FHIT: variants seen among roughly 807,000 people sequenced by gnomAD.
FHIT encodes the protein fragile histidine triad diadenosine triphosphatase, also known as bis(5'-adenosyl)-triphosphatase.
In FHIT, 19 loss-of-function variants were observed where a neutral mutation model predicts 17.9. That is an observed-to-expected ratio of 1.06 (90% confidence interval 0.74 to 1.56). The LOEUF (loss-of-function observed/expected upper bound fraction) is 1.56, where lower values mean the gene tolerates loss of function less well. Ranked by LOEUF, FHIT falls within the 40% of genes most tolerant of loss-of-function variation. The probability of loss-of-function intolerance (pLI) is 0.00; values close to 1 mark genes in which losing one functional copy is unlikely to be tolerated. For missense variants in FHIT, 248 were observed against 189.2 expected (o/e 1.31, Z -1.82); for synonymous variants, 81 against 69.7 (o/e 1.16, Z -0.81).
intron 2 of FHIT, among the ~76,000 whole-genome samples, chr3:61,151,756 C>T (rs184620283): frequency 1.1e-4 from 17 of 151,848 alleles, no homozygotes; most frequent in Admixed American, 2.0e-4. Flanking sequence ...TCAGTAGAGA[C>T]GGGTTTTCAC....
chr3:60,444,422 T>A (rs2031168073), intron 5 of FHIT, among the ~76,000 whole-genome samples: 1 of 152,240 alleles, frequency 6.6e-6, no homozygotes, highest in African/African-American at 2.4e-5. Context: ...CTACTCACAA[T>A]AGCAAAGACT....
intron 5 of FHIT, among the ~76,000 whole-genome samples, chr3:60,076,928 A>G (rs17062101): frequency 0.11 from 17,091 of 152,126 alleles, 1,070 homozygotes; most frequent in African/African-American, 0.14. Flanking sequence ...AAGGAAAACA[A>G]TAACTGAAAA....
chr3:60,977,391 T>A (rs1575784899), intron 3 of FHIT, among the ~76,000 whole-genome samples: 1 of 152,292 alleles, frequency 6.6e-6, no homozygotes, highest in African/African-American at 2.4e-5. Flanking sequence ...AAATGTATCA[T>A]ACTTCTGCTC....
At chr3:60,589,054 G>A (rs73093559) in intron 4 of FHIT, among the ~76,000 whole-genome samples, 3,334 of 152,084 alleles carry the variant, frequency 0.022, 73 homozygotes, top group Non-Finnish European at 0.03. Flanking sequence ...CCGGGCAGGT[G>A]ACTCACCCGT....
chr3:61,231,468 A>C (rs564832478), intron 1 of FHIT, among the ~76,000 whole-genome samples: 2 of 152,014 alleles, frequency 1.3e-5, no homozygotes, highest in African/African-American at 4.8e-5. Context: ...CAGCCTGGGC[A>C]AAAGAGTGAG....
At chr3:60,241,887 T>C (rs568912183) in intron 5 of FHIT, among the ~76,000 whole-genome samples, 42 of 152,298 alleles carry the variant, frequency 2.8e-4, no homozygotes, top group African/African-American at 8.4e-4. Flanking sequence ...TCACCTCTAG[T>C]AATTTTGTAA....
intron 5 of FHIT, among the ~76,000 whole-genome samples, chr3:60,498,461 G>C (rs898478116): frequency 6.6e-6 from 1 of 152,098 alleles, no homozygotes; most frequent in Admixed American, 6.5e-5. Context: ...CACACATATT[G>C]TATCTTCAAC....
At chr3:60,712,064 C>T (rs1166626756) in intron 4 of FHIT, among the ~76,000 whole-genome samples, 2 of 152,352 alleles carry the variant, frequency 1.3e-5, no homozygotes, top group Middle Eastern at 3.4e-3. Context: ...ATCAGACTAA[C>T]AGCTGATCTC....
chr3:60,542,087 G>T (rs1310582272), intron 4 of FHIT, among the ~76,000 whole-genome samples: 1 of 151,824 alleles, frequency 6.6e-6, no homozygotes, highest in African/African-American at 2.4e-5. Flanking sequence ...AAATACACAG[G>T]GCCCTTATAC....
chr3:60,136,230 C>T (rs1229257161), intron 5 of FHIT, among the ~76,000 whole-genome samples: 1 of 152,154 alleles, frequency 6.6e-6, no homozygotes, highest in African/African-American at 2.4e-5. Context: ...AAGAGGGAGG[C>T]ATCTGGAGAG....
chr3:60,385,448 T>C (rs898346489), intron 5 of FHIT, among the ~76,000 whole-genome samples: 2 of 152,232 alleles, frequency 1.3e-5, no homozygotes, highest in Non-Finnish European at 2.9e-5. Context: ...TACTACAAAC[T>C]AGACATAAAG....
At chr3:61,011,618 G>A (rs1355567627) in intron 3 of FHIT, among the ~76,000 whole-genome samples, 1 of 152,058 alleles carries the variant, frequency 6.6e-6, no homozygotes, top group Non-Finnish European at 1.5e-5. Context: ...TACATTTCAA[G>A]ATCCTCAACT....
At chr3:60,237,728 T>C (rs531195909) in intron 5 of FHIT, among the ~76,000 whole-genome samples, 46 of 152,284 alleles carry the variant, frequency 3.0e-4, no homozygotes. Context: ...GTGCCTAATG[T>C]AACTACCCAC....
intron 4 of FHIT, among the ~76,000 whole-genome samples, chr3:60,715,734 CACATTGTGCTCAT>C: frequency 6.6e-6 from 1 of 152,010 alleles, no homozygotes; most frequent in Non-Finnish European, 1.5e-5. Flanking sequence ...AACTAACCTG[CACATTGTGCTCAT>C]GTACCCTAAA....
At chr3:60,599,959 C>T (rs1015196588) in intron 4 of FHIT, among the ~76,000 whole-genome samples, 1 of 152,140 alleles carries the variant, frequency 6.6e-6, no homozygotes, top group African/African-American at 2.4e-5. Context: ...GCAGCATCTC[C>T]TTCCCAGTAG....
At chr3:59,834,063 T>G (rs183399755) in intron 8 of FHIT, among the ~76,000 whole-genome samples, 2 of 152,288 alleles carry the variant, frequency 1.3e-5, no homozygotes, top group Non-Finnish European at 1.5e-5. Flanking sequence ...GAAAATGAAC[T>G]AATACAGCTA....
chr3:60,131,827 T>C (rs1172417101), intron 5 of FHIT, among the ~76,000 whole-genome samples: 41 of 152,090 alleles, frequency 2.7e-4, no homozygotes, highest in Admixed American at 2.7e-3. Flanking sequence ...CTTTCCTATC[T>C]CTTCTCAAAG....
chr3:60,694,873 T>C (rs1420889228), intron 4 of FHIT, among the ~76,000 whole-genome samples: 1 of 151,656 alleles, frequency 6.6e-6, no homozygotes, highest in Non-Finnish European at 1.5e-5. Flanking sequence ...ATGAAAACAC[T>C]TGGACACAAG....
intron 5 of FHIT, among the ~76,000 whole-genome samples, chr3:60,073,146 T>G (rs909420863): frequency 6.6e-6 from 1 of 152,228 alleles, no homozygotes; most frequent in Non-Finnish European, 1.5e-5. Flanking sequence ...CTGATTGTGT[T>G]AGCAAGTTGC....
Sources: gnomAD v4.1 joint callset for allele counts (sites outside exome capture counted in the v4.1 genomes callset) on GRCh38, gnomAD v4.1.1 for gene constraint, MANE v1.5 for transcripts, NCBI Gene and HGNC (gene_info 2026-07-23, HGNC 2026-07-21) for gene names.